The following OTOGL variants were observed in gnomAD, a reference collection of about 807,000 sequenced individuals.
The protein encoded by OTOGL is otogelin-like protein.
Under a neutral mutation model 318.5 loss-of-function variants are expected in OTOGL, and 285 were observed. The observed-to-expected ratio is 0.89, with a 90% confidence interval of 0.81 to 0.99. OTOGL has a LOEUF of 0.99. Ranked by LOEUF, OTOGL falls within the 50% of genes least tolerant of loss-of-function variation. The probability of loss-of-function intolerance (pLI) is 0.00; values close to 1 mark genes in which losing one functional copy is unlikely to be tolerated. For missense variants in OTOGL, 2,899 were observed against 2,845.6 expected, an observed-to-expected ratio of 1.02 and a Z score of -0.43; for synonymous variants, 987 against 936.5, an observed-to-expected ratio of 1.05 and a Z score of -0.99.
chr12:80,144,361 C>G (rs1284142225), intron 1 of OTOGL, among the ~76,000 whole-genome samples: 17 of 151,308 alleles, frequency 1.1e-4, no homozygotes, highest in Admixed American at 1.1e-3. Flanking sequence ...CAATTTCATC[C>G]ATGTCCCTAC....
intron 26 of OTOGL, among the ~76,000 whole-genome samples, chr12:80,286,067 T>C (rs1226544117): frequency 6.6e-6 from 1 of 152,118 alleles, no homozygotes; most frequent in East Asian, 1.9e-4. Context: ...ATTTATTGAG[T>C]GTTTTTAGCA....
chr12:80,105,932 A>G (rs10746148), intron 1 of OTOGL, among the ~76,000 whole-genome samples: 85,147 of 152,076 alleles, frequency 0.56, 24,020 homozygotes, highest in Middle Eastern at 0.59. Context: ...TCAACCATTT[A>G]CGGATAAAAA....
chr12:80,362,260 T>C (rs548471086), intron 52 of OTOGL, among the ~76,000 whole-genome samples: 2 of 152,354 alleles, frequency 1.3e-5, no homozygotes, highest in South Asian at 4.1e-4. Flanking sequence ...TTGTTTGTTC[T>C]TGGTAACTTT....
rs148920542 is a variant in OTOGL at position 80,134,463 on chromosome 12, A to G, written c.-20+34858A>G. 3.0e-4 allele frequency among the ~76,000 whole-genome samples: 45 copies of G among 152,274 alleles called. No individual in the cohort carries two copies. In the East Asian group the frequency reaches 6.9e-3, roughly 24 times the overall value. ...TTTTTAAGTAGGCTATTTTATTCTA[A>G]ACTTTGGAATATGATTACCTCTCTG... On this transcript the variant is annotated intron_variant, in intron 1 of 58. Coordinates refer to ENST00000547103, the MANE Select transcript of OTOGL (RefSeq NM_001378609.3).
At chr12:80,100,934 T>C (rs538706678) in intron 1 of OTOGL, among the ~76,000 whole-genome samples, 1 of 152,306 alleles carries the variant, frequency 6.6e-6, no homozygotes, top group South Asian at 2.1e-4. Flanking sequence ...TTGTCAAGGC[T>C]TAGTATATTA....
Position 80,202,562 on chromosome 12 carries a change from C to T in OTOGL, c.-19-6851C>T, listed in dbSNP as rs531520898. 7.2e-5 allele frequency among the ~76,000 whole-genome samples: 11 copies of T among 152,250 alleles called. 1 individual carries two copies. In the South Asian group the frequency reaches 1.0e-3, roughly 14 times the overall value. ...TGCTGGGATTACAGGCCTGAGCCAC[C>T]GCGCCCAGCCTGTCTGGTATCTTTC... On this transcript the variant is annotated intron_variant, in intron 1 of 58. Coordinates refer to ENST00000547103, the MANE Select transcript of OTOGL (RefSeq NM_001378609.3).
intron 33 of OTOGL, 49 bp downstream of exon 33, chr12:80,318,762 A>C: frequency 8.7e-7 from 1 of 1,146,572 alleles, no homozygotes; most frequent in South Asian, 4.5e-5. Context: ...ACATTTTAAA[A>C]TTTAGCCACT....
At chr12:80,170,321 G>C (rs527366372) in intron 1 of OTOGL, among the ~76,000 whole-genome samples, 1 of 151,778 alleles carries the variant, frequency 6.6e-6, no homozygotes, top group African/African-American at 2.4e-5. Flanking sequence ...AATTTGCATG[G>C]CTCTAATGAC....
In OTOGL at chr12:80,366,650, T is replaced by G. The variant is rs1397529080; in HGVS notation, c.6331+13T>G. On this transcript the variant is annotated intron_variant, in intron 53 of 58. Coordinates refer to ENST00000547103, the MANE Select transcript of OTOGL (RefSeq NM_001378609.3). ...CAGTATCTCTGTGGTAACTATGTCT[T>G]TTGTAACTTTTAAATTATAAATGAA... is the stretch of plus-strand genomic sequence containing the variant. 1.6e-6 allele frequency: 2 copies of G among 1,269,686 alleles called. No individual in the cohort carries two copies. The highest frequency in any genetic ancestry group is 2.1e-6 in the Non-Finnish European group (2 of 965,080). 78.7% of individuals were successfully genotyped at this position (1,269,686 alleles called of 1,614,324 possible). A position where few individuals can be genotyped will look rare whatever the true frequency, so the allele number is the denominator to read the frequency against.
intron 44 of OTOGL, 71 bp from the exon 45 acceptor site, chr12:80,352,224 T>A: frequency 7.4e-7 from 1 of 1,349,474 alleles, no homozygotes; most frequent in East Asian, 2.4e-5. Context: ...CTCCAAATAA[T>A]CTTAGTCTAG....
chr12:80,165,024 A>G lies in OTOGL; in HGVS notation c.-19-44389A>G, dbSNP rs541149259. Among the ~76,000 whole-genome samples, 9 of 152,300 alleles carry G rather than the reference A, an allele frequency of 5.9e-5. No individual in the cohort carries two copies. The South Asian group carries it at 1.9e-3, about 32-fold the overall frequency. ...ATTCCAAGGATAGAAGGGGACTGGC[A>G]TAAAATAAAATGAGGAAATGGTGTT... On this transcript the variant is annotated intron_variant, in intron 1 of 58. Transcript: ENST00000547103.
intron 26 of OTOGL, among the ~76,000 whole-genome samples, chr12:80,289,029 C>T (rs552500718): frequency 2.3e-4 from 35 of 152,218 alleles, no homozygotes; most frequent in African/African-American, 3.6e-4. Flanking sequence ...TGCTCTTCTT[C>T]GTGGATTTAT....
chr12:80,257,752 G>T, intron 17 of OTOGL, 73 bp from the exon 18 acceptor site: 1 of 1,265,950 alleles, frequency 7.9e-7, no homozygotes, highest in Non-Finnish European at 1.1e-6. Flanking sequence ...GAGAGTCCTG[G>T]TGGTGTACCC....
rs1879730835 is a variant in OTOGL, at chr12:80,235,257, G to T, written c.817+2160G>T. Among the ~76,000 whole-genome samples, 6 of 152,090 alleles carry T rather than the reference G, an allele frequency of 3.9e-5. 1 individual carries two copies. The South Asian group carries it at 1.2e-3, about 32-fold the overall frequency. On this transcript the variant is annotated intron_variant, in intron 9 of 58. Transcript: ENST00000547103. ...AGGCAGGTGGATCACCTGAGGTCAG[G>T]AGTTCAAGACCAGCCCAGCCAACAT...
At chr12:80,216,787 A>G (rs1014106049) in intron 4 of OTOGL, among the ~76,000 whole-genome samples, 1 of 152,136 alleles carries the variant, frequency 6.6e-6, no homozygotes, top group Non-Finnish European at 1.5e-5. Context: ...TTCAAAATTC[A>G]TGCTGTTTAC....
chr12:80,235,593 A>T (rs966161189), intron 9 of OTOGL, among the ~76,000 whole-genome samples: 2 of 151,988 alleles, frequency 1.3e-5, no homozygotes, highest in African/African-American at 4.8e-5. Context: ...GAAGACTTAG[A>T]TTTGAGTTAA....
At chr12:80,336,303 C>T (rs1888396158) in intron 39 of OTOGL, 110 bp from the exon 40 acceptor site, 2 of 1,346,500 alleles carry the variant, frequency 1.5e-6, no homozygotes, top group Non-Finnish European at 9.7e-7. Context: ...TTTAGAGTTG[C>T]TTCTTGTCAG....
intron 11 of OTOGL, among the ~76,000 whole-genome samples, chr12:80,251,186 A>G (rs1176126250): frequency 6.6e-6 from 1 of 152,246 alleles, no homozygotes; most frequent in Non-Finnish European, 1.5e-5. Context: ...AACCATTAAA[A>G]TACTTTTGAT....
At chr12:80,370,345 A>G (rs1033253662) in intron 55 of OTOGL, among the ~76,000 whole-genome samples, 17 of 151,982 alleles carry the variant, frequency 1.1e-4, no homozygotes, top group African/African-American at 4.1e-4. Flanking sequence ...CAAACACACT[A>G]TACATATGTA....
Sources: allele counts gnomAD v4.1 joint callset (sites outside exome capture counted in the v4.1 genomes callset), GRCh38; gene constraint gnomAD v4.1.1; transcripts MANE v1.5; gene names NCBI Gene and HGNC (gene_info 2026-07-23, HGNC 2026-07-21).